The following CDH18 variants were observed in gnomAD, a reference collection of about 807,000 sequenced individuals.
The protein encoded by CDH18 is cadherin-18.
A neutral mutation model predicts 67.9 loss-of-function variants in CDH18; 31 were observed. The observed-to-expected ratio is 0.46, with a 90% CI of 0.34 to 0.62. The LOEUF (loss-of-function observed/expected upper bound fraction) is 0.62, where lower values mean the gene tolerates loss of function less well. CDH18 is among the 20% of genes least tolerant of loss of function. CDH18 has a pLI of 0.01. For missense variants in CDH18, 890 were observed against 975.5 expected, an observed-to-expected ratio of 0.91 and a Z score of 1.17; for synonymous variants, 362 against 347.2, an observed-to-expected ratio of 1.04 and a Z score of -0.48.
intron 2 of CDH18, among the ~76,000 whole-genome samples, chr5:20,228,900 G>T (rs1264621837): frequency 2.0e-5 from 3 of 152,072 alleles, no homozygotes; most frequent in Non-Finnish European, 2.9e-5. Context: ...GCAACAGAAT[G>T]GACATCAGTC....
At chr5:20,171,066 G>A (rs2126645741) in intron 2 of CDH18, among the ~76,000 whole-genome samples, 1 of 151,284 alleles carries the variant, frequency 6.6e-6, no homozygotes, top group Middle Eastern at 3.4e-3. Context: ...ATATATAGCT[G>A]CATAGCATTC....
At chr5:19,596,361 A>G (rs1746161573) in intron 6 of CDH18, among the ~76,000 whole-genome samples, 1 of 152,208 alleles carries the variant, frequency 6.6e-6, no homozygotes, top group African/African-American at 2.4e-5. Context: ...GTATAGACAT[A>G]TTACAAAATA....
intron 1 of CDH18, among the ~76,000 whole-genome samples, chr5:20,314,780 A>G (rs1017865082): frequency 6.6e-6 from 1 of 152,098 alleles, no homozygotes; most frequent in African/African-American, 2.4e-5. Flanking sequence ...GAATGTATCA[A>G]GTTGAATTCT....
chr5:19,747,081 A>G lies in CDH18; in HGVS notation c.384T>C (p.Ala128=). The change falls in exon 4 of 13, where the codon GCT becomes GCC. Residue 128 remains alanine (A), a synonymous_variant. Coordinates refer to ENST00000382275, the MANE Select transcript of CDH18 (RefSeq NM_004934.5). The stretch of plus-strand genomic sequence containing the variant: ...TGTTTGTACGTCTATCAATAGCTTG[A>G]GCATGAAGCACATAGTGGGTCTTCT... The part of the protein sequence containing the change: ...REQKTHYVLH[A]QAIDRRTNKP... The G allele has an allele frequency of 6.2e-7, 1 of 1,614,096 alleles. No homozygotes were observed. The highest frequency in any genetic ancestry group is 1.1e-5 in the South Asian group (1 of 91,078).
intron 1 of CDH18, among the ~76,000 whole-genome samples, chr5:20,455,768 AAT>A (rs1422735923): frequency 6.6e-6 from 1 of 152,110 alleles, no homozygotes; most frequent in African/African-American, 2.4e-5. Flanking sequence ...TACATAGAGC[AAT>A]AGTTTCTTTC....
chr5:20,397,285 C>A (rs1207041314), intron 1 of CDH18, among the ~76,000 whole-genome samples: 2 of 151,940 alleles, frequency 1.3e-5, no homozygotes, highest in Admixed American at 6.6e-5. Context: ...TGCGCACCAC[C>A]ACGCCCGGCT....
chr5:20,542,518 C>G (rs1037883298), intron 1 of CDH18, among the ~76,000 whole-genome samples: 1 of 151,238 alleles, frequency 6.6e-6, no homozygotes, highest in Non-Finnish European at 1.5e-5. Context: ...TGTGCGTATG[C>G]ATATATATGC....
chr5:20,489,368 C>A (rs1175943645), intron 1 of CDH18, among the ~76,000 whole-genome samples: 3 of 152,014 alleles, frequency 2.0e-5, no homozygotes, highest in African/African-American at 7.2e-5. Flanking sequence ...TGGTCCCAAT[C>A]ATAAGGCTAG....
intron 5 of CDH18, among the ~76,000 whole-genome samples, chr5:19,720,756 G>GA (rs1404770894): frequency 6.6e-6 from 1 of 151,956 alleles, no homozygotes. Flanking sequence ...ATTTTTTCCT[G>GA]AAAAAATATT....
chr5:20,023,188 T>C (rs1278062846), intron 2 of CDH18, among the ~76,000 whole-genome samples: 2 of 152,204 alleles, frequency 1.3e-5, no homozygotes, highest in Non-Finnish European at 1.5e-5. Flanking sequence ...TTTCAATTAA[T>C]ATTCAAGTCA....
At chr5:20,400,897 C>T (rs959949155) in intron 1 of CDH18, among the ~76,000 whole-genome samples, 9 of 152,300 alleles carry the variant, frequency 5.9e-5, no homozygotes, top group Admixed American at 5.9e-4. Flanking sequence ...TTATCCCTTG[C>T]ACTGAAATTC....
At chr5:20,458,929 T>A (rs544989770) in intron 1 of CDH18, among the ~76,000 whole-genome samples, 2 of 152,300 alleles carry the variant, frequency 1.3e-5, no homozygotes, top group East Asian at 3.9e-4. Flanking sequence ...CGTGTGTATA[T>A]TAACACCTGA....
intron 2 of CDH18, among the ~76,000 whole-genome samples, chr5:20,222,240 G>A (rs942584321): frequency 6.6e-6 from 1 of 152,104 alleles, no homozygotes; most frequent in Non-Finnish European, 1.5e-5. Context: ...TTGCTAAAGA[G>A]AATGTCACTG....
At chr5:20,002,486 A>G (rs141946917) in intron 2 of CDH18, among the ~76,000 whole-genome samples, 1 of 152,352 alleles carries the variant, frequency 6.6e-6, no homozygotes, top group African/African-American at 2.4e-5. Context: ...AATTACACAT[A>G]CTGCAGGCAA....
At chr5:19,515,719 G>A (rs1216089119) in intron 10 of CDH18, among the ~76,000 whole-genome samples, 2 of 152,140 alleles carry the variant, frequency 1.3e-5, no homozygotes, top group African/African-American at 2.4e-5. Context: ...AGACTTGGCT[G>A]AAGTTTCTTA....
At chr5:19,758,853 C>T (rs974697832) in intron 3 of CDH18, among the ~76,000 whole-genome samples, 5 of 152,218 alleles carry the variant, frequency 3.3e-5, no homozygotes, top group Non-Finnish European at 7.3e-5. Flanking sequence ...ACTGTGTTTG[C>T]TCTTTCTTGC....
At chr5:20,200,222 T>C (rs1739339881) in intron 2 of CDH18, among the ~76,000 whole-genome samples, 1 of 152,228 alleles carries the variant, frequency 6.6e-6, no homozygotes, top group Non-Finnish European at 1.5e-5. Context: ...AGAGATGAAA[T>C]TTATCTTTAG....
chr5:20,343,275 A>G (rs1740420300), intron 1 of CDH18, among the ~76,000 whole-genome samples: 2 of 152,190 alleles, frequency 1.3e-5, no homozygotes, highest in South Asian at 4.2e-4. Flanking sequence ...TAGGAAGCCT[A>G]CTGCATTCCT....
intron 3 of CDH18, among the ~76,000 whole-genome samples, chr5:19,811,038 G>T (rs1778585106): frequency 8.5e-6 from 1 of 117,830 alleles, no homozygotes; most frequent in Non-Finnish European, 1.8e-5. Flanking sequence ...GGAAAGGAAA[G>T]GAAAGGGAAA....
Sources: allele counts gnomAD v4.1 joint callset (sites outside exome capture counted in the v4.1 genomes callset), GRCh38; gene constraint gnomAD v4.1.1; transcripts MANE v1.5; gene names NCBI Gene and HGNC (gene_info 2026-07-23, HGNC 2026-07-21).